Variants in ZW10 observed in about 807,000 individuals in gnomAD.
ZW10 encodes centromere/kinetochore protein zw10 homolog.
ZW10 carries 53 observed loss-of-function variants against 87.8 expected under a neutral mutation model. That is an observed-to-expected ratio of 0.60 (90% CI 0.48 to 0.76). The LOEUF is 0.76. Among genes scored for constraint, ZW10 ranks in the 30% least tolerant of loss-of-function variants. The pLI is 0.00. For missense variants in ZW10, 837 were observed against 923.0 expected, an observed-to-expected ratio of 0.91 and a Z score of 1.21; for synonymous variants, 312 against 329.2, an observed-to-expected ratio of 0.95 and a Z score of 0.57.
chr11:113,761,416 A>G (rs1953858426), intron 2 of ZW10, among the ~76,000 whole-genome samples: 1 of 152,088 alleles, frequency 6.6e-6, no homozygotes, highest in Admixed American at 6.6e-5. Flanking sequence ...AGTAGCCAGA[A>G]CTACAGGCAC....
rs1186984422 is a variant in ZW10 at position 113,760,496 on chromosome 11, G to C, written c.420+17C>G. On this transcript the variant is annotated intron_variant, in intron 4 of 15. Transcript: ENST00000200135. ...AAGAGCACTTATTGCGCATGCTTTG[G>C]GGAGAGCATTTAGTACCTCTTCCAG... 6.2e-7 allele frequency: 1 copy of C among 1,611,218 alleles called. No homozygotes were observed. The highest frequency in any genetic ancestry group is 1.1e-5 in the South Asian group (1 of 90,492).
At chr11:113,743,229 G>A (rs1385152182) in intron 10 of ZW10, among the ~76,000 whole-genome samples, 1 of 152,068 alleles carries the variant, frequency 6.6e-6, no homozygotes, top group Non-Finnish European at 1.5e-5. Context: ...TTCTACCTTT[G>A]GCTGCCTAAC....
chr11:113,744,579 C>T (rs1254581080), intron 9 of ZW10, among the ~76,000 whole-genome samples: 1 of 152,098 alleles, frequency 6.6e-6, no homozygotes, highest in Non-Finnish European at 1.5e-5. Context: ...ATCCCCTTTA[C>T]TGTGACATTC....
chr11:113,762,118 A>G (rs577451779), intron 2 of ZW10, among the ~76,000 whole-genome samples: 2 of 152,370 alleles, frequency 1.3e-5, no homozygotes, highest in South Asian at 2.1e-4. Context: ...AACATCACAG[A>G]GTGTACTTAC....
chr11:113,752,667 TTG>T (rs1351701648), intron 7 of ZW10, among the ~76,000 whole-genome samples: 4 of 152,314 alleles, frequency 2.6e-5, no homozygotes, highest in Admixed American at 1.3e-4. Context: ...TTAACAAATG[TTG>T]TGTGTGTTCT....
At chr11:113,758,009 T>C (rs1021414878) in intron 6 of ZW10, among the ~76,000 whole-genome samples, 156 bp from the exon 7 acceptor site, 4 of 151,950 alleles carry the variant, frequency 2.6e-5, no homozygotes, top group African/African-American at 4.8e-5. Context: ...CCGTCTCTAC[T>C]GAAAATACAA....
chr11:113,767,349 A>G (rs1953919093), intron 2 of ZW10, among the ~76,000 whole-genome samples: 1 of 152,026 alleles, frequency 6.6e-6, no homozygotes, highest in Admixed American at 6.6e-5. Context: ...ATCTCTCACA[A>G]AAACCTGCTT....
chr11:113,764,876 C>T (rs1048718141), intron 2 of ZW10, among the ~76,000 whole-genome samples: 1 of 152,150 alleles, frequency 6.6e-6, no homozygotes, highest in African/African-American at 2.4e-5. Flanking sequence ...TCCTTTTTCA[C>T]TCTTTTGGGA....
At chr11:113,733,869 A>G in intron 15 of ZW10, 55 bp from the exon 16 acceptor site, 1 of 1,521,046 alleles carries the variant, frequency 6.6e-7, no homozygotes, top group Non-Finnish European at 8.8e-7. Context: ...AGTATAAGCA[A>G]GACTTAAAAA....
intron 13 of ZW10, 135 bp downstream of exon 13, chr11:113,738,129 A>T: frequency 1.0e-6 from 1 of 955,226 alleles, no homozygotes; most frequent in Non-Finnish European, 1.5e-6. Context: ...AAAGGTATCT[A>T]GATTTTCCAA....
chr11:113,758,273 C>A (rs1953816499), intron 6 of ZW10, among the ~76,000 whole-genome samples: 1 of 151,248 alleles, frequency 6.6e-6, no homozygotes, highest in Non-Finnish European at 1.5e-5. Context: ...ACACACCAAC[C>A]ATTATGCGGT....
At position 113,748,319 on chromosome 11, in the gene ZW10, T is replaced by A; in HGVS notation, c.1027A>T (p.Ile343Phe). 1 of 1,613,734 alleles carries A rather than the reference T, an allele frequency of 6.2e-7. No individual in the cohort carries two copies. Among genetic ancestry groups the A allele is most frequent in the Non-Finnish European group, 8.5e-7 (1 of 1,179,836 alleles). ...MIWEDLSECL[I>F]KNCLVYSIPT... ...ATCGAATAAACCAAACAGTTTTTGA[T>A]GAGGCACTCAGACAAGTCCTCCCAG... is the stretch of plus-strand genomic sequence containing the variant. The change falls in exon 8 of 16, where the codon ATC becomes TTC. Residue 343 changes from isoleucine (I) to phenylalanine (F), a missense_variant. Ile to Phe is a conservative substitution (Grantham distance 21). Transcript: ENST00000200135.
At position 113,743,798 on chromosome 11, in the gene ZW10, G is replaced by A. The variant is rs145721249; in HGVS notation, c.1511+4C>T. 240 of 1,607,666 alleles carry A rather than the reference G, an allele frequency of 1.5e-4. No homozygotes were observed. The highest frequency in any genetic ancestry group is 4.0e-4 in the Admixed American group (24 of 59,996). On this transcript the variant is annotated splice_donor_region_variant and intron_variant, in intron 10 of 15. Transcript: ENST00000200135. ...GCCATTTTCACACAACCCAGAATTC[G>A]TACCATTGATCACTACTGGTTGTTG...
chr11:113,738,155 G>A (rs1953573167), intron 13 of ZW10, 109 bp downstream of exon 13: 3 of 1,233,320 alleles, frequency 2.4e-6, no homozygotes, highest in Middle Eastern at 2.8e-4. Context: ...GGGGTGCAGG[G>A]AATCAACTGA....
intron 13 of ZW10, 91 bp from the exon 14 acceptor site, chr11:113,737,794 A>C: frequency 7.0e-7 from 1 of 1,436,476 alleles, no homozygotes; most frequent in Non-Finnish European, 9.3e-7. Context: ...GTTCATTGGG[A>C]AAGTGGCATT....
In ZW10 at chr11:113,758,551, T is replaced by C; in HGVS notation, c.733+3A>G. 2 of 1,613,080 alleles carry C rather than the reference T, an allele frequency of 1.2e-6. No individual in the cohort carries two copies. The highest frequency in any genetic ancestry group is 1.7e-6 in the Non-Finnish European group (2 of 1,179,708). ...GTAAATGAAACAAAGTAGCATGCCTTACCAAATGATTTAAGCTTGCTGTGT... is the reference window on the plus strand; with the variant it reads ...GTAAATGAAACAAAGTAGCATGCCTCACCAAATGATTTAAGCTTGCTGTGT... On this transcript the variant is annotated splice_donor_region_variant and intron_variant, in intron 6 of 15. Transcript: ENST00000200135.
intron 2 of ZW10, among the ~76,000 whole-genome samples, chr11:113,762,526 CTT>C (rs760102411): frequency 9.7e-4 from 142 of 146,756 alleles, no homozygotes; most frequent in Non-Finnish European, 8.8e-4. Flanking sequence ...AACTTATTAA[CTT>C]TTTTTTTTTT....
intron 10 of ZW10, among the ~76,000 whole-genome samples, chr11:113,742,594 G>C (rs1241226910): frequency 6.6e-6 from 1 of 152,170 alleles, no homozygotes; most frequent in African/African-American, 2.4e-5. Context: ...TTAGTGGAAA[G>C]AATGTCCATA....
Position 113,760,604 on chromosome 11 carries a change from TATA to T in ZW10, c.343-17_343-15del, listed in dbSNP as rs754421947. On this transcript the variant is annotated splice_polypyrimidine_tract_variant and intron_variant, in intron 3 of 15. Transcript: ENST00000200135. ...AGCAGTGGAAAACTGAAAAGTTAAG[TATA>T]ATATTTTATACATCCTATTATTTCA... 2.2e-5 allele frequency: 34 copies of T among 1,573,416 alleles called. No individual in the cohort carries two copies. The African/African-American group carries it at 4.5e-4, about 21-fold the overall frequency.
Sources: allele counts gnomAD v4.1 joint callset (sites outside exome capture counted in the v4.1 genomes callset), GRCh38; gene constraint gnomAD v4.1.1; transcripts MANE v1.5; gene names NCBI Gene and HGNC (gene_info 2026-07-23, HGNC 2026-07-21).